The following SPECC1L variants were observed in gnomAD, a reference collection of about 807,000 sequenced individuals.
SPECC1L encodes cytospin-A.
SPECC1L carries 40 observed loss-of-function variants against 116.8 expected under a neutral mutation model. That is an observed-to-expected ratio of 0.34 (90% CI 0.27 to 0.45). SPECC1L has a LOEUF of 0.45. SPECC1L is among the 20% of genes least tolerant of loss of function. SPECC1L has a pLI of 1.00. For synonymous variants in SPECC1L, 504 were observed against 500.6 expected, an observed-to-expected ratio of 1.01 and a Z score of -0.09; for missense variants, 1,110 against 1,373.6, an observed-to-expected ratio of 0.81 and a Z score of 3.03.
chr22:24,322,889 G>T lies in SPECC1L; in HGVS notation c.1909G>T (p.Ala637Ser). Residue 637 changes from alanine (A) to serine (S), a missense_variant, in exon 5 of 17, where the codon GCC becomes TCC. Physicochemically the swap from Ala to Ser is moderately conservative, Grantham distance 99. This residue lies in a region of SPECC1L where 575 missense variants were observed against 682.4 expected (regional missense o/e 0.84). Transcript: ENST00000314328. ...AGATCTGGCTCATACCCGAAATGAT[G>T]CCAATCGATTACAGGATGCCATTGC... ...QEDLAHTRND[A>S]NRLQDAIAKV... is the part of the protein sequence containing the mutation. The T allele has an allele frequency of 6.2e-7, 1 of 1,613,876 alleles. No homozygotes were observed. Among genetic ancestry groups the T allele is most frequent in the East Asian group, 2.2e-5 (1 of 44,890 alleles).
intron 2 of SPECC1L, among the ~76,000 whole-genome samples, chr22:24,281,714 A>G (rs1157427025): frequency 1.3e-5 from 2 of 152,170 alleles, no homozygotes; most frequent in African/African-American, 2.4e-5. Context: ...TATTCTGTCA[A>G]TGTTGTCTGT....
intron 14 of SPECC1L, among the ~76,000 whole-genome samples, chr22:24,402,563 CT>C (rs1179141157): frequency 5.9e-5 from 9 of 152,198 alleles, no homozygotes; most frequent in Admixed American, 5.9e-4. Flanking sequence ...AGGTTTCATT[CT>C]GAGTGCACTG....
intron 4 of SPECC1L, among the ~76,000 whole-genome samples, chr22:24,320,439 GTTGTTTTTTACA>G (rs1354283817): frequency 6.6e-6 from 1 of 152,106 alleles, no homozygotes; most frequent in Non-Finnish European, 1.5e-5. Flanking sequence ...TTAGTGCTTC[GTTGTTTTTTACA>G]TTTAGAGAGA....
chr22:24,383,792 A>ATTTTTTTTTTTTTTTTT (rs538972717), intron 14 of SPECC1L, among the ~76,000 whole-genome samples: 8 of 77,332 alleles, frequency 1.0e-4, no homozygotes, highest in Non-Finnish European at 1.6e-4. Flanking sequence ...ACCCACCACT[A>ATTTTTTTTTTTTTTTTT]TTTTTTTTTT....
intron 14 of SPECC1L, among the ~76,000 whole-genome samples, chr22:24,398,815 T>G (rs1454481424): frequency 6.6e-6 from 1 of 152,014 alleles, no homozygotes; most frequent in Non-Finnish European, 1.5e-5. Flanking sequence ...CTTTTGGGGG[T>G]TAGGATGAGG....
chr22:24,292,485 T>A (rs1354475206), intron 2 of SPECC1L, among the ~76,000 whole-genome samples: 1 of 152,214 alleles, frequency 6.6e-6, no homozygotes, highest in African/African-American at 2.4e-5. Flanking sequence ...TAAACTAGAT[T>A]TTATCAGTTC....
At chr22:24,380,957 A>T (rs1240523665) in intron 14 of SPECC1L, among the ~76,000 whole-genome samples, 1 of 152,182 alleles carries the variant, frequency 6.6e-6, no homozygotes, top group African/African-American at 2.4e-5. Context: ...TTAAGTGCTT[A>T]TCATGAGAAG....
intron 11 of SPECC1L, among the ~76,000 whole-genome samples, chr22:24,348,426 G>A (rs1485060698): frequency 6.6e-6 from 1 of 152,158 alleles, no homozygotes; most frequent in East Asian, 1.9e-4. Context: ...ATACCTGTCA[G>A]TCTTCAGTGT....
At chr22:24,374,460 A>G (rs1159890454) in intron 14 of SPECC1L, among the ~76,000 whole-genome samples, 2 of 152,048 alleles carry the variant, frequency 1.3e-5, no homozygotes, top group East Asian at 1.9e-4. Flanking sequence ...TGATGAGTTC[A>G]TGTCCTTTGT....
intron 14 of SPECC1L, among the ~76,000 whole-genome samples, chr22:24,399,398 A>G (rs1349232382): frequency 6.6e-6 from 1 of 152,094 alleles, no homozygotes; most frequent in Non-Finnish European, 1.5e-5. Context: ...GTGAAACTCC[A>G]TCTTTACTAA....
At chr22:24,305,297 C>T (rs1271086090) in intron 3 of SPECC1L, among the ~76,000 whole-genome samples, 1 of 152,100 alleles carries the variant, frequency 6.6e-6, no homozygotes, top group Non-Finnish European at 1.5e-5. Context: ...ACATATGTGC[C>T]CCTCAGAAGC....
At chr22:24,339,367 CATG>C (rs1451765080) in intron 10 of SPECC1L, among the ~76,000 whole-genome samples, 2 of 152,190 alleles carry the variant, frequency 1.3e-5, no homozygotes. Context: ...TTCAGAGAAG[CATG>C]ATTCATGAGG....
At chr22:24,319,450 T>C (rs991779499) in intron 4 of SPECC1L, among the ~76,000 whole-genome samples, 2 of 152,164 alleles carry the variant, frequency 1.3e-5, no homozygotes, top group East Asian at 1.9e-4. Flanking sequence ...CCGAAACACA[T>C]AGGGATTATG....
intron 14 of SPECC1L, among the ~76,000 whole-genome samples, chr22:24,391,598 A>G (rs2042275638): frequency 6.6e-6 from 1 of 152,114 alleles, no homozygotes; most frequent in Non-Finnish European, 1.5e-5. Flanking sequence ...CACTGTGAGC[A>G]TTTTTCAGAG....
In SPECC1L at chr22:24,385,057, C is replaced by G. The variant is rs373105526; in HGVS notation, c.3087+15737C>G. Reference sequence around the variant, plus strand: ...CACCCTGGGGCACAAAGCGAAACTCCGTCTCAAAAAAAAAAAAAAGAAAAA... The same window carrying G: ...CACCCTGGGGCACAAAGCGAAACTCGGTCTCAAAAAAAAAAAAAAGAAAAA... On this transcript the variant is annotated intron_variant, in intron 14 of 16. Coordinates refer to ENST00000314328, the MANE Select transcript of SPECC1L (RefSeq NM_015330.6). Among the ~76,000 whole-genome samples the G allele has an allele frequency of 1.8e-3, 253 of 142,838 alleles. No homozygotes were observed. The East Asian group carries it at 0.019, about 11-fold the overall frequency. The allele number at this position is 142,838 out of a possible 152,430, so 93.7% of individuals were successfully genotyped here.
intron 3 of SPECC1L, among the ~76,000 whole-genome samples, chr22:24,306,747 A>G (rs1239826708): frequency 1.3e-5 from 2 of 152,132 alleles, no homozygotes; most frequent in Admixed American, 6.6e-5. Flanking sequence ...ATCACCATCC[A>G]TCTCCAGAAC....
intron 14 of SPECC1L, among the ~76,000 whole-genome samples, chr22:24,390,039 A>G (rs1381873433): frequency 6.6e-6 from 1 of 152,064 alleles, no homozygotes; most frequent in Non-Finnish European, 1.5e-5. Flanking sequence ...AGACAAGGGA[A>G]TAGAGACGCT....
At chr22:24,412,251 C>G in intron 15 of SPECC1L, 2 of 372,096 alleles carry the variant, frequency 5.4e-6, no homozygotes, top group Non-Finnish European at 1.0e-5. Flanking sequence ...AGCCCCCACC[C>G]CAGTCCCCTG....
chr22:24,310,765 G>A (rs1433103059), intron 3 of SPECC1L, among the ~76,000 whole-genome samples: 1 of 151,522 alleles, frequency 6.6e-6, no homozygotes, highest in Non-Finnish European at 1.5e-5. Context: ...AGTTTTTTAT[G>A]TTTTAAAATT....
Sources: gnomAD v4.1 joint callset for allele counts (sites outside exome capture counted in the v4.1 genomes callset) on GRCh38, gnomAD v4.1.1 for gene constraint, gnomAD v4.1.1 regional missense constraint, MANE v1.5 for transcripts, NCBI Gene and HGNC (gene_info 2026-07-23, HGNC 2026-07-21) for gene names.